ADCYAP1R1: variants seen among roughly 807,000 people sequenced by gnomAD.
ADCYAP1R1 encodes ADCYAP receptor type I.
ADCYAP1R1 carries 44 observed loss-of-function variants against 67.6 expected under a neutral mutation model. The observed-to-expected ratio is 0.65, with a 90% CI of 0.51 to 0.84. The LOEUF is 0.84. Ranked by LOEUF, ADCYAP1R1 falls within the 40% of genes least tolerant of loss-of-function variation. The pLI, the probability that ADCYAP1R1 is intolerant of heterozygous loss-of-function variation, is 0.00. For missense variants in ADCYAP1R1, 477 were observed against 587.9 expected (o/e 0.81, Z 1.95); for synonymous variants, 222 against 219.6 (o/e 1.01, Z -0.10).
intron 13 of ADCYAP1R1, among the ~76,000 whole-genome samples, chr7:31,098,052 C>T (rs1218313550): frequency 6.6e-6 from 1 of 152,114 alleles, no homozygotes; most frequent in Non-Finnish European, 1.5e-5. Flanking sequence ...AGGCACCTGC[C>T]ACTACGCCCG....
intron 8 of ADCYAP1R1, 70 bp downstream of exon 8, chr7:31,084,904 T>G: frequency 7.3e-7 from 1 of 1,363,618 alleles, no homozygotes; most frequent in Non-Finnish European, 1.0e-6. Flanking sequence ...GGTGCATCTC[T>G]CCCCTCCCCC....
chr7:31,094,538 G>A (rs1341796294), intron 13 of ADCYAP1R1, among the ~76,000 whole-genome samples: 2 of 152,180 alleles, frequency 1.3e-5, no homozygotes, highest in Non-Finnish European at 1.5e-5. Context: ...CTTCCTGGTA[G>A]GATTTGTTCT....
rs555948349 is a variant in ADCYAP1R1 at position 31,071,475 on chromosome 7, A to G, written c.158-6516A>G. Among the ~76,000 whole-genome samples the G allele has an allele frequency of 5.6e-4, 85 of 152,230 alleles. 1 individual carries two copies. Among genetic ancestry groups the G allele is most frequent in the African/African-American group, 2.0e-3 (82 of 41,534 alleles). Reference sequence around the variant, plus strand: ...TGTCAGGAGTGGAGAGGTCTCACAGAGAACAGGATCTGTTCTCATTTTCAA... The same window carrying G: ...TGTCAGGAGTGGAGAGGTCTCACAGGGAACAGGATCTGTTCTCATTTTCAA... On this transcript the variant is annotated intron_variant, in intron 3 of 15. Transcript: ENST00000304166.
At position 31,106,811 on chromosome 7, in the gene ADCYAP1R1, G is replaced by T. The variant is rs568940535; in HGVS notation, c.*127G>T. ...CCTGGGCTGGAAGCTTGGCTCCTGAGGGGGGAGAAGGAGGCAGGGCACAGA... is the reference window on the plus strand; with the variant it reads ...CCTGGGCTGGAAGCTTGGCTCCTGATGGGGGAGAAGGAGGCAGGGCACAGA... On this transcript the variant is annotated 3_prime_UTR_variant, in exon 16 of 16. Coordinates refer to ENST00000304166, the MANE Select transcript of ADCYAP1R1 (RefSeq NM_001118.5). The T allele has an allele frequency of 2.1e-5, 24 of 1,148,956 alleles. No individual in the cohort carries two copies. Among genetic ancestry groups the T allele is most frequent in the South Asian group, 1.5e-4 (9 of 60,234 alleles). 71.2% of individuals were successfully genotyped at this position (1,148,956 alleles called of 1,614,324 possible). A position where few individuals can be genotyped will look rare whatever the true frequency, so the allele number is the denominator to read the frequency against.
In ADCYAP1R1 at chr7:31,107,375, G is replaced by T. The variant is rs1796689487; in HGVS notation, c.*691G>T. ...GGTGGGGAGTCTGCAGGTCAGGGAA[G>T]GTTCTGGTGCTTTTCGTTTGATCCA... On this transcript the variant is annotated 3_prime_UTR_variant, in exon 16 of 16. Coordinates refer to ENST00000304166, the MANE Select transcript of ADCYAP1R1 (RefSeq NM_001118.5). 1 of 152,310 alleles carries T rather than the reference G, an allele frequency of 6.6e-6. No homozygotes were observed. Among genetic ancestry groups the T allele is most frequent in the Admixed American group, 6.5e-5 (1 of 15,292 alleles). 9.4% of individuals were successfully genotyped at this position (152,310 alleles called of 1,614,324 possible). A position where few individuals can be genotyped will look rare whatever the true frequency, so the allele number is the denominator to read the frequency against.
chr7:31,053,649 C>G (rs1210302550), intron 1 of ADCYAP1R1, among the ~76,000 whole-genome samples: 1 of 152,228 alleles, frequency 6.6e-6, no homozygotes, highest in Non-Finnish European at 1.5e-5. Flanking sequence ...CCTGCTAATT[C>G]TTCCGACCAT....
intron 15 of ADCYAP1R1, among the ~76,000 whole-genome samples, chr7:31,106,132 G>A (rs541520318): frequency 9.8e-5 from 15 of 152,344 alleles, no homozygotes; most frequent in Non-Finnish European, 1.9e-4. Context: ...CACTCTTACT[G>A]GTCAGCCAAG....
At chr7:31,084,958 A>G in intron 8 of ADCYAP1R1, 124 bp downstream of exon 8, 1 of 944,362 alleles carries the variant, frequency 1.1e-6, no homozygotes, top group Non-Finnish European at 1.7e-6. Flanking sequence ...CATTTCTCCC[A>G]CCCCAAGGAT....
At chr7:31,097,653 C>T (rs1383807495) in intron 13 of ADCYAP1R1, among the ~76,000 whole-genome samples, 1 of 150,086 alleles carries the variant, frequency 6.7e-6, no homozygotes, top group Non-Finnish European at 1.5e-5. Context: ...TTCAAAAAAT[C>T]CTTAAAAAAA....
At chr7:31,069,805 GCC>G (rs766223700) in intron 3 of ADCYAP1R1, among the ~76,000 whole-genome samples, 2 of 152,170 alleles carry the variant, frequency 1.3e-5, no homozygotes, top group Non-Finnish European at 2.9e-5. Flanking sequence ...GAAAAATAGA[GCC>G]CAGAGAGGTG....
chr7:31,100,370 T>C (rs1364563517), intron 13 of ADCYAP1R1, among the ~76,000 whole-genome samples: 1 of 140,434 alleles, frequency 7.1e-6, no homozygotes, highest in Non-Finnish European at 1.5e-5. Context: ...TCTTGTGAGT[T>C]CTCTGCAGCC....
chr7:31,074,443 C>T (rs1795118275), intron 3 of ADCYAP1R1, among the ~76,000 whole-genome samples: 2 of 152,110 alleles, frequency 1.3e-5, no homozygotes, highest in Admixed American at 1.3e-4. Context: ...CATGAGAGCC[C>T]CCTTCTCCCC....
intron 3 of ADCYAP1R1, among the ~76,000 whole-genome samples, chr7:31,071,569 A>G (rs1320381967): frequency 6.6e-6 from 1 of 152,050 alleles, no homozygotes; most frequent in Non-Finnish European, 1.5e-5. Context: ...TCCCTGAAAC[A>G]TGTTTTCCTG....
At chr7:31,072,327 G>A (rs1296543266) in intron 3 of ADCYAP1R1, among the ~76,000 whole-genome samples, 1 of 152,120 alleles carries the variant, frequency 6.6e-6, no homozygotes, top group African/African-American at 2.4e-5. Flanking sequence ...AAGAAAGGCA[G>A]GCTGTGGAAG....
intron 6 of ADCYAP1R1, among the ~76,000 whole-genome samples, chr7:31,082,697 G>A (rs1156401885): frequency 6.6e-6 from 1 of 152,204 alleles, no homozygotes; most frequent in Admixed American, 6.5e-5. Context: ...CTGGAAGAAG[G>A]GACAGTTTGG....
intron 2 of ADCYAP1R1, 87 bp from the exon 3 acceptor site, chr7:31,064,744 C>A (rs1794660086): frequency 9.0e-7 from 1 of 1,109,000 alleles, no homozygotes; most frequent in Non-Finnish European, 1.3e-6. Context: ...CCACTCCCCC[C>A]AAGACACTGC....
chr7:31,069,608 C>T (rs867871421), intron 3 of ADCYAP1R1, among the ~76,000 whole-genome samples: 2 of 152,126 alleles, frequency 1.3e-5, no homozygotes, highest in Non-Finnish European at 2.9e-5. Flanking sequence ...GTGTGTGTGG[C>T]TGGGGGGCTC....
intron 3 of ADCYAP1R1, among the ~76,000 whole-genome samples, chr7:31,068,217 A>G (rs115664664): frequency 0.032 from 3,953 of 122,452 alleles, 148 homozygotes; most frequent in African/African-American, 0.1. Flanking sequence ...GTGCGCGCGC[A>G]CACACACACA....
chr7:31,070,794 A>G (rs1794939598), intron 3 of ADCYAP1R1, among the ~76,000 whole-genome samples: 1 of 152,258 alleles, frequency 6.6e-6, no homozygotes, highest in Non-Finnish European at 1.5e-5. Flanking sequence ...GCCCACCTCC[A>G]GAAGTTTCTG....
Sources: gnomAD v4.1 joint callset for allele counts (sites outside exome capture counted in the v4.1 genomes callset) on GRCh38, gnomAD v4.1.1 for gene constraint, MANE v1.5 for transcripts, NCBI Gene and HGNC (gene_info 2026-07-23, HGNC 2026-07-21) for gene names.